Variants in MYO15B observed in about 807,000 individuals in gnomAD.
MYO15B encodes the protein myosin XVB.
Under a neutral mutation model 119.3 loss-of-function variants are expected in MYO15B, and 207 were observed. That is an observed-to-expected ratio of 1.73 (90% CI 1.55 to 1.95). MYO15B has a LOEUF of 1.95. Ranked by LOEUF, MYO15B falls within the 30% of genes most tolerant of loss-of-function variation. The pLI is 0.00. For missense variants in MYO15B, 2,264 were observed against 1,203.1 expected, an observed-to-expected ratio of 1.88 and a Z score of -13.04; for synonymous variants, 966 against 498.9, an observed-to-expected ratio of 1.94 and a Z score of -12.48.
At chr17:75,592,805 C>A in exon 9 of MYO15B, 2 of 702,672 alleles carry the variant, frequency 2.8e-6, no homozygotes, top group Non-Finnish European at 5.2e-6. Flanking sequence ...GGCCGCCATC[C>A]TGCAGCTGGG....
At chr17:75,592,387 C>A in intron 7 of MYO15B, 41 bp from the exon 8 acceptor site, 1 of 683,382 alleles carries the variant, frequency 1.5e-6, no homozygotes, top group South Asian at 1.5e-5. Flanking sequence ...GGCCTCTAAG[C>A]CCCTAGGGCA....
intron 52 of MYO15B, 196 bp from the exon 53 acceptor site, chr17:75,621,808 T>C: frequency 1.6e-6 from 1 of 607,838 alleles, no homozygotes; most frequent in Non-Finnish European, 2.9e-6. Context: ...TGCTATGTGC[T>C]GTGTGGGGCC....
At chr17:75,616,749 G>T (rs1269013538) in exon 39 of MYO15B, 1 of 703,020 alleles carries the variant, frequency 1.4e-6, no homozygotes, top group South Asian at 1.5e-5. Context: ...TACCAGAGCC[G>T]CCCGGGCCCC....
chr17:75,592,778 G>A lies in MYO15B; in HGVS notation c.2929G>A (p.Ala977Thr), dbSNP rs920395447. Residue 977 changes from alanine to threonine, a missense_variant, in exon 9 of 64, where the codon GCC (alanine) becomes ACC (threonine). Ala to Thr is a moderately conservative substitution (Grantham distance 58). Transcript: ENST00000645453. ...CGGCTTGTGCCCAGAGGAGTTGAATGCCGTCTGGGCTGTGCTGGCCGCCAT... is the reference window on the plus strand; with the variant it reads ...CGGCTTGTGCCCAGAGGAGTTGAATACCGTCTGGGCTGTGCTGGCCGCCAT... 1.6e-5 allele frequency: 11 copies of A among 702,806 alleles called. No individual in the cohort carries two copies. In the African/African-American group the frequency reaches 1.9e-4, roughly 12 times the overall value. 43.5% of individuals were successfully genotyped at this position (702,806 alleles called of 1,614,324 possible). A position where few individuals can be genotyped will look rare whatever the true frequency, so the allele number is the denominator to read the frequency against.
intron 21 of MYO15B, among the ~76,000 whole-genome samples, chr17:75,606,517 A>G (rs1307521771): frequency 6.7e-6 from 1 of 150,184 alleles, no homozygotes; most frequent in Non-Finnish European, 1.5e-5. Flanking sequence ...CTTGTTGCCC[A>G]GGCTGGAGTG....
At chr17:75,621,463 G>A (rs922216903) in intron 51 of MYO15B, 38 bp from the exon 52 acceptor site, 9 of 699,170 alleles carry the variant, frequency 1.3e-5, no homozygotes, top group African/African-American at 7.0e-5. Context: ...TGACCCCCAC[G>A]GCCCCCCAGA....
chr17:75,591,965 C>G lies in MYO15B; in HGVS notation c.2548-12C>G, dbSNP rs1165668511. 1.4e-6 allele frequency: 1 copy of G among 701,910 alleles called. No individual in the cohort carries two copies. The highest frequency in any genetic ancestry group is 2.6e-6 in the Non-Finnish European group (1 of 384,520). 43.5% of individuals were successfully genotyped at this position (701,910 alleles called of 1,614,324 possible). ...GCTGCCCAGGGATGCTTGAACACCC[C>G]TCCCTGTACAGGTGGAGGATATGCT... On this transcript the variant is annotated splice_polypyrimidine_tract_variant and intron_variant, in intron 5 of 63. Transcript: ENST00000645453.
At position 75,618,162 on chromosome 17, in the gene MYO15B, T is replaced by A. The variant is rs961121123; in HGVS notation, c.6964T>A (p.Tyr2322Asn). 4 of 703,162 alleles carry A rather than the reference T, an allele frequency of 5.7e-6. No individual in the cohort carries two copies. The African/African-American group carries it at 7.0e-5, about 12-fold the overall frequency. 43.6% of individuals were successfully genotyped at this position (703,162 alleles called of 1,614,324 possible). Residue 2322 changes from tyrosine to asparagine, a missense_variant, in exon 43 of 64, where the codon TAC becomes AAC. By Grantham distance (143) the Tyr-to-Asn change is moderately radical. Coordinates refer to ENST00000645453, the Ensembl canonical transcript of MYO15B. ...ACGGGAGAACTTCAGCCATCCCTAC[T>A]ACCTGAGGCTCCTCTGTGAGCAGGT...
chr17:75,613,878 C>T (rs777624106), intron 29 of MYO15B, 101 bp downstream of exon 29: 2 of 616,794 alleles, frequency 3.2e-6, no homozygotes, highest in Non-Finnish European at 5.8e-6. Context: ...AGGAGAGGTG[C>T]CCCGGGGTGG....
chr17:75,624,425 G>C, exon 57 of MYO15B: 1 of 702,634 alleles, frequency 1.4e-6, no homozygotes, highest in Non-Finnish European at 2.6e-6. Context: ...GTGGATTATA[G>C]GACGAATATC....
intron 21 of MYO15B, among the ~76,000 whole-genome samples, chr17:75,608,979 G>T (rs905746563): frequency 6.6e-6 from 1 of 151,716 alleles, no homozygotes; most frequent in Non-Finnish European, 1.5e-5. Flanking sequence ...TGATCTGCCC[G>T]CCTCGGTCTC....
Position 75,619,282 on chromosome 17 carries a change from A to T in MYO15B, c.7063+64A>T, listed in dbSNP as rs545497164. On this transcript the variant is annotated intron_variant, in intron 44 of 63. Coordinates refer to ENST00000645453, the Ensembl canonical transcript of MYO15B. ...CTGGGGGCCGCGCCTGCCCTGAAGG[A>T]GGGAGCAGCATGGGAGCAAACTCTA... 4 of 702,486 alleles carry T rather than the reference A, an allele frequency of 5.7e-6. No individual in the cohort carries two copies. In the African/African-American group the frequency reaches 7.0e-5, roughly 12 times the overall value. 43.5% of individuals were successfully genotyped at this position (702,486 alleles called of 1,614,324 possible). A position where few individuals can be genotyped will look rare whatever the true frequency, so the allele number is the denominator to read the frequency against.
exon 61 of MYO15B, chr17:75,625,598 T>C (rs2058995714): frequency 1.4e-6 from 1 of 702,896 alleles, no homozygotes; most frequent in Admixed American, 2.0e-5. Context: ...AAGAACCTGA[T>C]GGGTCAGGAG....
At position 75,589,469 on chromosome 17, in the gene MYO15B, A is replaced by AGGACCG; in HGVS notation, c.1412_1413insGGACCG (p.His471delinsGlnAspArg). 5.0e-6 allele frequency: 2 copies of AGGACCG among 396,614 alleles called. No homozygotes were observed. Among genetic ancestry groups the AGGACCG allele is most frequent in the Non-Finnish European group, 8.9e-6 (2 of 225,608 alleles). 24.6% of individuals were successfully genotyped at this position (396,614 alleles called of 1,614,324 possible). A position where few individuals can be genotyped will look rare whatever the true frequency, so the allele number is the denominator to read the frequency against. On this transcript the variant is annotated protein_altering_variant, in exon 1 of 64. Coordinates refer to ENST00000645453, the Ensembl canonical transcript of MYO15B. The surrounding 1 kb of genome is among the most constrained non-coding windows in gnomAD (Gnocchi z 4.2). ...GGGAAAGCGGACGAGGGGCGGGGTC[A>AGGACCG]CGAGAGAGGTGACGAGGGCCGGGAC...
exon 4 of MYO15B, chr17:75,591,179 T>G: frequency 2.8e-6 from 2 of 702,964 alleles, no homozygotes; most frequent in South Asian, 3.0e-5. Context: ...CAGACACATC[T>G]TTGCCATCGT....
chr17:75,619,402 A>C (rs1380894167), exon 45 of MYO15B: 1 of 702,550 alleles, frequency 1.4e-6, no homozygotes, highest in Non-Finnish European at 2.6e-6. Context: ...CACCGAAGAC[A>C]GCGTCAAGAA....
At chr17:75,625,362 C>T (rs989020133) in intron 60 of MYO15B, 124 bp downstream of exon 60, 8 of 641,102 alleles carry the variant, frequency 1.2e-5, no homozygotes, top group African/African-American at 8.9e-5. Flanking sequence ...AACATCTGTC[C>T]TCTCCACCCC....
chr17:75,596,866 G>A (rs1334411452), exon 14 of MYO15B: 1 of 702,880 alleles, frequency 1.4e-6, no homozygotes, highest in Non-Finnish European at 2.6e-6. Flanking sequence ...ACAGCCTCCT[G>A]AGTATCCTGG....
At chr17:75,592,966 G>T (rs2056576508) in intron 9 of MYO15B, 126 bp downstream of exon 9, 1 of 604,338 alleles carries the variant, frequency 1.7e-6, no homozygotes, top group South Asian at 2.0e-5. Flanking sequence ...AAAGTGGGTA[G>T]ATCCCCACTG....
Sources: allele counts gnomAD v4.1 joint callset (sites outside exome capture counted in the v4.1 genomes callset), GRCh38; gene constraint gnomAD v4.1.1; non-coding constraint Gnocchi (gnomAD v3.1); transcripts MANE v1.5; gene names NCBI Gene and HGNC (gene_info 2026-07-23, HGNC 2026-07-21).